MBD5: variants seen among roughly 807,000 people sequenced by gnomAD.
MBD5 encodes the protein methyl-CpG binding domain protein 5.
Under a neutral mutation model 117.3 loss-of-function variants are expected in MBD5, and 13 were observed. The observed-to-expected ratio is 0.11, with a 90% CI of 0.07 to 0.18. MBD5 has a LOEUF of 0.18. Ranked by LOEUF, MBD5 falls within the 10% of genes least tolerant of loss-of-function variation. The pLI is 1.00. For synonymous variants in MBD5, 727 were observed against 766.4 expected, an observed-to-expected ratio of 0.95 and a Z score of 0.85; for missense variants, 1,879 against 2,093.8, an observed-to-expected ratio of 0.90 and a Z score of 2.00.
chr2:148,236,434 T>C (rs890370938), intron 3 of MBD5, among the ~76,000 whole-genome samples: 11 of 152,196 alleles, frequency 7.2e-5, no homozygotes, highest in Admixed American at 4.6e-4. Flanking sequence ...AGGAATGTTA[T>C]GTTGACAAGC....
chr2:148,215,688 ATTTT>A (rs66589231), intron 2 of MBD5, among the ~76,000 whole-genome samples: 4 of 132,012 alleles, frequency 3.0e-5, no homozygotes, highest in Admixed American at 1.5e-4. Context: ...TGCCCGGCTA[ATTTT>A]TTTTTTTTTT....
intron 3 of MBD5, among the ~76,000 whole-genome samples, chr2:148,246,541 C>T (rs749587457): frequency 3.3e-5 from 5 of 152,064 alleles, no homozygotes; most frequent in Non-Finnish European, 7.4e-5. Context: ...GAGACTGAGG[C>T]AGGTGGATCA....
intron 4 of MBD5, among the ~76,000 whole-genome samples, chr2:148,369,513 A>C (rs1703795204): frequency 6.6e-6 from 1 of 152,174 alleles, no homozygotes; most frequent in Admixed American, 6.5e-5. Context: ...AGTACAAATT[A>C]AGCAGATAGA....
intron 4 of MBD5, among the ~76,000 whole-genome samples, chr2:148,342,625 T>G (rs976790888): frequency 6.6e-6 from 1 of 152,056 alleles, no homozygotes; most frequent in African/African-American, 2.4e-5. Context: ...GAATTTATTT[T>G]TATATATGTG....
chr2:148,252,275 C>T (rs755863504), intron 3 of MBD5, among the ~76,000 whole-genome samples: 27 of 152,144 alleles, frequency 1.8e-4, no homozygotes, highest in Non-Finnish European at 2.6e-4. Context: ...CCAGCCTGAA[C>T]ATAGCTAGAC....
intron 3 of MBD5, among the ~76,000 whole-genome samples, chr2:148,307,703 A>T (rs1701926392): frequency 6.6e-6 from 1 of 152,126 alleles, no homozygotes; most frequent in South Asian, 2.1e-4. Context: ...CAGGTTTATT[A>T]TATAGGTATA....
In MBD5 at chr2:148,469,668, A is replaced by G. The variant is rs1680725443; in HGVS notation, c.1725A>G (p.Pro575=). The G allele has an allele frequency of 1.9e-6, 3 of 1,613,852 alleles. No homozygotes were observed. Among genetic ancestry groups the G allele is most frequent in the Non-Finnish European group, 8.5e-7 (1 of 1,179,916 alleles). Residue 575 remains proline (P), a synonymous_variant, in exon 8 of 14, where the codon CCA becomes CCG. Coordinates refer to ENST00000642680, the MANE Select transcript of MBD5 (RefSeq NM_001378120.1). ...ACCAGCACAATGCTGCCTCCTTTCC[A>G]GCAAGTAGTTTACTCTCAGCAGCAG... ...ILNQHNAASF[P]ASSLLSAAAK... is the part of the protein sequence containing the mutation.
In MBD5 at chr2:148,409,530, C is replaced by A. The variant is rs116154000; in HGVS notation, c.-556-48673C>A. 8.3e-3 allele frequency among the ~76,000 whole-genome samples: 1,267 copies of A among 152,108 alleles called. 22 individuals carry two copies. The highest frequency in any genetic ancestry group is 0.029 in the African/African-American group (1,221 of 41,494). ...TGCTTCATGCTACTTAAGTGTAGCT[C>A]TGAAGTGTTTTCTAAAAGTTATTCC... On this transcript the variant is annotated intron_variant, in intron 4 of 13. Transcript: ENST00000642680.
At chr2:148,023,068 GCTCT>G (rs1346612391) in intron 1 of MBD5, among the ~76,000 whole-genome samples, 2 of 149,316 alleles carry the variant, frequency 1.3e-5, no homozygotes, top group South Asian at 2.1e-4. Flanking sequence ...TCTTTCGCTC[GCTCT>G]CTCTCCCTCA....
intron 1 of MBD5, among the ~76,000 whole-genome samples, chr2:148,105,419 A>T (rs1013920337): frequency 5.3e-5 from 8 of 151,956 alleles, no homozygotes; most frequent in Admixed American, 4.6e-4. Flanking sequence ...GGGTTTCACC[A>T]TGTTGGTCAG....
At chr2:148,373,243 T>G (rs561159752) in intron 4 of MBD5, among the ~76,000 whole-genome samples, 1 of 152,276 alleles carries the variant, frequency 6.6e-6, no homozygotes, top group East Asian at 1.9e-4. Flanking sequence ...ATATCTTTGA[T>G]AAGATTTTAT....
At chr2:148,320,171 T>G (rs150788369) in intron 3 of MBD5, among the ~76,000 whole-genome samples, 1 of 152,216 alleles carries the variant, frequency 6.6e-6, no homozygotes, top group Non-Finnish European at 1.5e-5. Flanking sequence ...GATTTTTGCA[T>G]GTATCTTCAT....
intron 2 of MBD5, among the ~76,000 whole-genome samples, chr2:148,227,429 C>T (rs1036981821): frequency 6.1e-4 from 93 of 152,074 alleles, no homozygotes; most frequent in East Asian, 1.7e-3. Flanking sequence ...GTTGTAGATA[C>T]GCGGCATTAT....
At chr2:148,410,496 G>C (rs7582000) in intron 4 of MBD5, among the ~76,000 whole-genome samples, 38,436 of 152,076 alleles carry the variant, frequency 0.25, 5,721 homozygotes, top group African/African-American at 0.41. Flanking sequence ...GTGGCGTGAT[G>C]TCAGCTCGCC....
At chr2:148,411,458 C>G (rs954584320) in intron 4 of MBD5, among the ~76,000 whole-genome samples, 1 of 151,632 alleles carries the variant, frequency 6.6e-6, no homozygotes, top group Non-Finnish European at 1.5e-5. Context: ...GTTTGCACTG[C>G]CACCAGCAGT....
At chr2:148,068,059 A>T (rs1336894465) in intron 1 of MBD5, among the ~76,000 whole-genome samples, 2 of 152,218 alleles carry the variant, frequency 1.3e-5, no homozygotes, top group Non-Finnish European at 2.9e-5. Flanking sequence ...ATAAGTGGAC[A>T]TGTCCCTTGA....
At chr2:148,346,189 A>AAAG (rs59759229) in intron 4 of MBD5, 31,924 of 151,236 alleles carry the variant, frequency 0.21, 3,900 homozygotes, top group East Asian at 0.53. Context: ...CTCTATTTGA[A>AAAG]AAGAAGAAGA....
chr2:148,409,459 AAGGG>A (rs1266812820), intron 4 of MBD5, among the ~76,000 whole-genome samples: 3 of 147,864 alleles, frequency 2.0e-5, no homozygotes, highest in Admixed American at 2.0e-4. Flanking sequence ...GGGAGGGAAG[AAGGG>A]AGGGAGGGAG....
intron 3 of MBD5, among the ~76,000 whole-genome samples, chr2:148,318,298 T>G (rs373405164): frequency 7.0e-6 from 1 of 142,942 alleles, no homozygotes; most frequent in Admixed American, 6.9e-5. Flanking sequence ...CTTCTTAATG[T>G]TTTTTTTTTT....
Sources: gnomAD v4.1 joint callset for allele counts (sites outside exome capture counted in the v4.1 genomes callset) on GRCh38, gnomAD v4.1.1 for gene constraint, MANE v1.5 for transcripts, NCBI Gene and HGNC (gene_info 2026-07-23, HGNC 2026-07-21) for gene names.